The following DPP8 variants were observed in gnomAD, a reference collection of about 807,000 sequenced individuals.
The protein encoded by DPP8 is dipeptidyl peptidase 8, also known as DPP VIII.
In DPP8, 31 loss-of-function variants were observed where a neutral mutation model predicts 107.5. The ratio of observed to expected loss-of-function variants is 0.29; its 90% CI spans 0.22 to 0.39. DPP8 has a LOEUF of 0.39. Among genes scored for constraint, DPP8 ranks in the 10% least tolerant of loss-of-function variants. The pLI, the probability that DPP8 is intolerant of heterozygous loss-of-function variation, is 1.00. For missense variants in DPP8, 842 were observed against 1,076.1 expected, an observed-to-expected ratio of 0.78 and a Z score of 3.04; for synonymous variants, 381 against 356.6, an observed-to-expected ratio of 1.07 and a Z score of -0.77.
intron 5 of DPP8, among the ~76,000 whole-genome samples, chr15:65,491,959 C>T (rs772169553): frequency 6.6e-6 from 1 of 152,064 alleles, no homozygotes; most frequent in African/African-American, 2.4e-5. Flanking sequence ...GTCTTGATCT[C>T]CTGACCTCGT....
At chr15:65,494,947 C>A (rs1486287429) in intron 5 of DPP8, among the ~76,000 whole-genome samples, 1 of 152,144 alleles carries the variant, frequency 6.6e-6, no homozygotes, top group Non-Finnish European at 1.5e-5. Context: ...CACAAAGTAT[C>A]CAGAACAACT....
At chr15:65,514,581 G>A (rs1361402844) in intron 1 of DPP8, among the ~76,000 whole-genome samples, 4 of 152,152 alleles carry the variant, frequency 2.6e-5, no homozygotes, top group African/African-American at 9.7e-5. Context: ...CGAGATCTCG[G>A]CTCACTGCAA....
At chr15:65,491,794 G>A (rs541662871) in intron 5 of DPP8, among the ~76,000 whole-genome samples, 28 of 152,192 alleles carry the variant, frequency 1.8e-4, no homozygotes, top group Non-Finnish European at 2.5e-4. Flanking sequence ...GTGCAGTGGC[G>A]TGATCTCGGC....
At chr15:65,455,602 C>T (rs1472861054) in intron 16 of DPP8, 17 of 1,083,724 alleles carry the variant, frequency 1.6e-5, no homozygotes, top group Non-Finnish European at 1.8e-5. Flanking sequence ...TGCCAGTGCA[C>T]GCAATCTCAC....
chr15:65,517,281 T>A (rs1255969917), intron 1 of DPP8: 1 of 152,356 alleles, frequency 6.6e-6, no homozygotes, highest in Non-Finnish European at 1.5e-5. Context: ...TCTCAGAGCC[T>A]CGGCTTCCTC....
intron 5 of DPP8, among the ~76,000 whole-genome samples, chr15:65,491,072 C>A (rs373638): frequency 0.44 from 66,323 of 149,914 alleles, 17,057 homozygotes; most frequent in Non-Finnish European, 0.57. Flanking sequence ...GCAGGAGAAT[C>A]GCTTGAACCC....
chr15:65,501,239 C>T (rs1356721196), intron 3 of DPP8, among the ~76,000 whole-genome samples: 1 of 151,996 alleles, frequency 6.6e-6, no homozygotes, highest in Non-Finnish European at 1.5e-5. Flanking sequence ...TAAGTGACCC[C>T]AAAATTTGCT....
At chr15:65,448,671 CA>C (rs56658742) in intron 19 of DPP8, among the ~76,000 whole-genome samples, 11,356 of 57,084 alleles carry the variant, frequency 0.2, 700 homozygotes, top group Middle Eastern at 0.26. Context: ...AACTCCATCT[CA>C]AAAAAAAAAA....
At chr15:65,490,352 ACAAAG>A in intron 5 of DPP8, 53 bp from the exon 6 acceptor site, 2 of 1,096,512 alleles carry the variant, frequency 1.8e-6, no homozygotes, top group Non-Finnish European at 2.8e-6. Flanking sequence ...TTTCATAGGT[ACAAAG>A]CAAAATGATT....
intron 14 of DPP8, among the ~76,000 whole-genome samples, chr15:65,465,969 A>C (rs2140484246): frequency 6.6e-6 from 1 of 152,328 alleles, no homozygotes; most frequent in Admixed American, 6.5e-5. Flanking sequence ...CAAGTGCTTC[A>C]AAAGTTTAAG....
chr15:65,456,452 A>G, intron 15 of DPP8, 81 bp from the exon 16 acceptor site: 3 of 1,365,566 alleles, frequency 2.2e-6, no homozygotes, highest in Non-Finnish European at 3.0e-6. Context: ...AAGAAATAGA[A>G]AGCTTAATTT....
At chr15:65,514,864 T>C (rs914700427) in intron 1 of DPP8, among the ~76,000 whole-genome samples, 2 of 152,190 alleles carry the variant, frequency 1.3e-5, no homozygotes, top group Non-Finnish European at 2.9e-5. Context: ...AAAGAACCTA[T>C]ACAAACTGGG....
intron 2 of DPP8, 110 bp downstream of exon 2, chr15:65,512,185 A>G: frequency 8.8e-7 from 1 of 1,138,080 alleles, no homozygotes; most frequent in Non-Finnish European, 1.3e-6. Context: ...TAATGAAACC[A>G]AAAGTCACTG....
chr15:65,515,221 G>A (rs551906398), intron 1 of DPP8, among the ~76,000 whole-genome samples: 1 of 152,310 alleles, frequency 6.6e-6, no homozygotes, highest in East Asian at 1.9e-4. Context: ...GAGTCACCGC[G>A]CCTGGCCATG....
intron 14 of DPP8, among the ~76,000 whole-genome samples, chr15:65,464,134 C>T (rs2065141401): frequency 6.6e-6 from 1 of 151,890 alleles, no homozygotes; most frequent in Non-Finnish European, 1.5e-5. Flanking sequence ...GAGGCCGAGG[C>T]AGGTGGATCA....
At chr15:65,454,831 G>GT (rs143327271) in intron 16 of DPP8, among the ~76,000 whole-genome samples, 4,696 of 152,034 alleles carry the variant, frequency 0.031, 274 homozygotes, top group African/African-American at 0.11. Context: ...GGCCCCGTAG[G>GT]TTTTTTTAGA....
chr15:65,458,446 G>C (rs1167660951), intron 15 of DPP8: 1 of 151,928 alleles, frequency 6.6e-6, no homozygotes, highest in African/African-American at 2.4e-5. Context: ...ATTTTAATAA[G>C]GTCGGGGTTT....
chr15:65,501,946 G>A (rs899327886), intron 3 of DPP8, among the ~76,000 whole-genome samples: 1 of 152,136 alleles, frequency 6.6e-6, no homozygotes, highest in Non-Finnish European at 1.5e-5. Context: ...CTGGAGTGCC[G>A]TGGCGTGATC....
At chr15:65,508,971 A>T (rs926931990) in intron 2 of DPP8, among the ~76,000 whole-genome samples, 3 of 152,180 alleles carry the variant, frequency 2.0e-5, no homozygotes, top group Non-Finnish European at 4.4e-5. Context: ...TATGTTTCTG[A>T]ATTATTAATG....
Sources: allele counts gnomAD v4.1 joint callset (sites outside exome capture counted in the v4.1 genomes callset), GRCh38; gene constraint gnomAD v4.1.1; transcripts MANE v1.5; gene names NCBI Gene and HGNC (gene_info 2026-07-23, HGNC 2026-07-21).